The following FOXP1 variants were observed in gnomAD, a reference collection of about 807,000 sequenced individuals.
FOXP1 encodes the protein forkhead box protein P1.
In FOXP1, 15 loss-of-function variants were observed where a neutral mutation model predicts 98.2. The ratio of observed to expected loss-of-function variants is 0.15; its 90% confidence interval spans 0.10 to 0.24. The LOEUF (loss-of-function observed/expected upper bound fraction) is 0.24, where lower values mean the gene tolerates loss of function less well. Among genes scored for constraint, FOXP1 ranks in the 10% least tolerant of loss-of-function variants. The pLI is 1.00. For synonymous variants in FOXP1, 371 were observed against 314.5 expected (o/e 1.18, Z -1.90); for missense variants, 633 against 848.5 (o/e 0.75, Z 3.15).
chr3:71,047,075 C>T lies in FOXP1; in HGVS notation c.531G>A (p.Gln177=). 6.2e-7 allele frequency: 1 copy of T among 1,614,054 alleles called. No individual in the cohort carries two copies. The highest frequency in any genetic ancestry group is 8.5e-7 in the Non-Finnish European group (1 of 1,179,954). Residue 177 remains glutamine (Q), a synonymous_variant, in exon 10 of 21, where the codon CAG becomes CAA. Coordinates refer to ENST00000649528, the MANE Select transcript of FOXP1 (RefSeq NM_001349338.3). The stretch of plus-strand genomic sequence containing the variant: ...AAAGCTGCTGCTGAAAAGCCAACTG[C>T]TGGGTAGCCACCTGCTGTTGCTGTA... The part of the protein sequence containing the change: ...QPKEQQQVAT[Q]QLAFQQQLLQ...
At chr3:71,436,390 G>T (rs889429195) in intron 3 of FOXP1, among the ~76,000 whole-genome samples, 1 of 152,074 alleles carries the variant, frequency 6.6e-6, no homozygotes, top group Non-Finnish European at 1.5e-5. Context: ...CAACTGTGCC[G>T]CCGAACTTGT....
At chr3:71,477,855 C>T (rs1002487609) in intron 3 of FOXP1, among the ~76,000 whole-genome samples, 1 of 152,102 alleles carries the variant, frequency 6.6e-6, no homozygotes, top group Non-Finnish European at 1.5e-5. Context: ...AATGAAATTT[C>T]CTAAAATGAT....
chr3:71,350,532 T>C (rs1156455067), intron 4 of FOXP1, among the ~76,000 whole-genome samples: 4 of 152,036 alleles, frequency 2.6e-5, no homozygotes, highest in Admixed American at 6.5e-5. Flanking sequence ...AGGTGGATGG[T>C]TGAAGAGAAG....
chr3:71,322,608 G>A (rs1200469816), intron 4 of FOXP1, among the ~76,000 whole-genome samples: 2 of 152,184 alleles, frequency 1.3e-5, no homozygotes, highest in Non-Finnish European at 2.9e-5. Context: ...CACATGCAAA[G>A]GTGCACTGTC....
Position 71,272,326 on chromosome 3 carries a change from C to T in FOXP1, c.-12+27494G>A, listed in dbSNP as rs546145430. On this transcript the variant is annotated intron_variant, in intron 5 of 20. Transcript: ENST00000649528. ...CACAATTTTCTCTCAGCAGTGTCCT[C>T]GGCATCCCGGGTGGGTCAACTTCGA... Among the ~76,000 whole-genome samples the T allele has an allele frequency of 2.0e-5, 3 of 152,298 alleles. No homozygotes were observed. In the South Asian group the frequency reaches 6.2e-4, roughly 32 times the overall value.
chr3:71,032,877 A>T (rs905923639), intron 11 of FOXP1, among the ~76,000 whole-genome samples: 1 of 152,094 alleles, frequency 6.6e-6, no homozygotes, highest in Non-Finnish European at 1.5e-5. Flanking sequence ...TTTCCTCTCA[A>T]AGGGAAGGCC....
intron 5 of FOXP1, among the ~76,000 whole-genome samples, chr3:71,201,649 G>GA (rs997930672): frequency 2.7e-4 from 39 of 145,990 alleles, no homozygotes; most frequent in Middle Eastern, 7.1e-3. Context: ...CGGGGAGAGG[G>GA]AAAAAAAAAA....
chr3:71,297,208 G>A (rs1004174275), intron 5 of FOXP1, among the ~76,000 whole-genome samples: 2 of 152,078 alleles, frequency 1.3e-5, no homozygotes, highest in African/African-American at 4.8e-5. Flanking sequence ...TTATTTGCAC[G>A]ATATTAAATA....
intron 6 of FOXP1, among the ~76,000 whole-genome samples, chr3:71,160,329 C>G (rs1444706604): frequency 6.6e-6 from 1 of 152,134 alleles, no homozygotes. Context: ...AGCATTGGCT[C>G]TAGGTGGAGG....
At chr3:71,099,366 G>C (rs375024903) in intron 7 of FOXP1, among the ~76,000 whole-genome samples, 1 of 152,030 alleles carries the variant, frequency 6.6e-6, no homozygotes, top group Admixed American at 6.6e-5. Context: ...TAAAAAATTG[G>C]CTGGGCGTGG....
intron 2 of FOXP1, among the ~76,000 whole-genome samples, chr3:71,524,608 T>C (rs896988054): frequency 6.6e-6 from 1 of 150,798 alleles, no homozygotes; most frequent in Admixed American, 6.6e-5. Flanking sequence ...TAATTACAAA[T>C]GTATTATTCA....
At chr3:71,430,450 G>T (rs2084603553) in intron 3 of FOXP1, among the ~76,000 whole-genome samples, 1 of 151,602 alleles carries the variant, frequency 6.6e-6, no homozygotes, top group South Asian at 2.1e-4. Context: ...TAACAGATTT[G>T]AATCTTGGGT....
chr3:71,099,744 G>C (rs1488499928), intron 7 of FOXP1, among the ~76,000 whole-genome samples: 1 of 152,102 alleles, frequency 6.6e-6, no homozygotes, highest in African/African-American at 2.4e-5. Context: ...GACACCAGAG[G>C]CCATGGTATT....
chr3:71,517,915 T>C (rs1322641384), intron 2 of FOXP1, among the ~76,000 whole-genome samples: 2 of 152,190 alleles, frequency 1.3e-5, no homozygotes, highest in Non-Finnish European at 2.9e-5. Context: ...GGCATATAAG[T>C]GTCATTATTA....
intron 5 of FOXP1, among the ~76,000 whole-genome samples, chr3:71,253,847 TA>T (rs34603881): frequency 6.6e-6 from 1 of 152,124 alleles, no homozygotes; most frequent in African/African-American, 2.4e-5. Context: ...CACTAACATT[TA>T]AAAAAATGTT....
intron 2 of FOXP1, among the ~76,000 whole-genome samples, chr3:71,566,635 G>A (rs1410018091): frequency 3.3e-5 from 5 of 152,158 alleles, no homozygotes; most frequent in Non-Finnish European, 7.4e-5. Flanking sequence ...AGGGGATCAC[G>A]CATTTTTCCT....
chr3:71,369,233 G>A (rs768224418), intron 3 of FOXP1, among the ~76,000 whole-genome samples: 1 of 151,972 alleles, frequency 6.6e-6, no homozygotes, highest in Non-Finnish European at 1.5e-5. Context: ...ACTAAAAATA[G>A]AAACAAATTA....
intron 4 of FOXP1, among the ~76,000 whole-genome samples, chr3:71,300,882 T>G (rs1300189783): frequency 6.6e-6 from 1 of 152,216 alleles, no homozygotes; most frequent in Non-Finnish European, 1.5e-5. Flanking sequence ...TGCTCATCCC[T>G]CTGCTGTCAG....
chr3:71,137,040 C>T (rs2059851446), intron 6 of FOXP1, among the ~76,000 whole-genome samples: 1 of 152,104 alleles, frequency 6.6e-6, no homozygotes, highest in Non-Finnish European at 1.5e-5. Flanking sequence ...TTAGCATTAG[C>T]AGGATGAGGG....
Sources: allele counts gnomAD v4.1 joint callset (sites outside exome capture counted in the v4.1 genomes callset), GRCh38; gene constraint gnomAD v4.1.1; transcripts MANE v1.5; gene names NCBI Gene and HGNC (gene_info 2026-07-23, HGNC 2026-07-21).